Variants in IGF1R observed in about 807,000 individuals in gnomAD.
The protein encoded by IGF1R is insulin like growth factor 1 receptor.
In IGF1R, 44 loss-of-function variants were observed where a neutral mutation model predicts 144.6. The observed-to-expected ratio is 0.30, with a 90% confidence interval of 0.24 to 0.39. IGF1R has a LOEUF of 0.39. Among genes scored for constraint, IGF1R ranks in the 10% least tolerant of loss-of-function variants. The probability of loss-of-function intolerance (pLI) is 1.00; values close to 1 mark genes in which losing one functional copy is unlikely to be tolerated. For synonymous variants in IGF1R, 795 were observed against 722.8 expected (o/e 1.10, Z -1.60); for missense variants, 1,355 against 1,833.7 (o/e 0.74, Z 4.77).
intron 2 of IGF1R, among the ~76,000 whole-genome samples, chr15:98,818,025 G>A (rs1567143852): frequency 6.6e-6 from 1 of 152,172 alleles, no homozygotes; most frequent in Non-Finnish European, 1.5e-5. Context: ...CCTTCTCACT[G>A]TATCCTCATA....
rs1262754245 is a variant in IGF1R, at chr15:98,958,838, CT to C, written c.*1397del. On this transcript the variant is annotated 3_prime_UTR_variant, in exon 21 of 21. Coordinates refer to ENST00000650285, the MANE Select transcript of IGF1R (RefSeq NM_000875.5). Reference sequence around the variant, plus strand: ...TGTACTAGAGTGCGTGACTTTCTTCCTCTTTTCCCGGTAATGGATACTTCTA... The same window carrying C: ...TGTACTAGAGTGCGTGACTTTCTTCCCTTTTCCCGGTAATGGATACTTCTA... The C allele has an allele frequency of 1.3e-5, 3 of 233,508 alleles. No individual in the cohort carries two copies. In the East Asian group the frequency reaches 1.8e-4, roughly 14 times the overall value. 14.5% of individuals were successfully genotyped at this position (233,508 alleles called of 1,614,324 possible).
chr15:98,760,586 T>A lies in IGF1R; in HGVS notation c.640+52479T>A, dbSNP rs111942262. ...CTTGTGTGTCTCCAGCTGAGCTGAGTGCATGTCGCTGCGGCATTGCAGGCG... is the reference window on the plus strand; with the variant it reads ...CTTGTGTGTCTCCAGCTGAGCTGAGAGCATGTCGCTGCGGCATTGCAGGCG... On this transcript the variant is annotated intron_variant, in intron 2 of 20. Coordinates refer to ENST00000650285, the MANE Select transcript of IGF1R (RefSeq NM_000875.5). Among the ~76,000 whole-genome samples, 3 of 152,308 alleles carry A rather than the reference T, an allele frequency of 2.0e-5. 1 individual carries two copies. Among genetic ancestry groups the A allele is most frequent in the African/African-American group, 7.2e-5 (3 of 41,556 alleles).
chr15:98,676,993 T>C (rs1383675482), intron 1 of IGF1R, among the ~76,000 whole-genome samples: 1 of 152,070 alleles, frequency 6.6e-6, no homozygotes, highest in Non-Finnish European at 1.5e-5. Context: ...TGGAGTGCAG[T>C]GGTGCGGTCA....
intron 2 of IGF1R, among the ~76,000 whole-genome samples, chr15:98,714,093 G>C (rs1368236897): frequency 6.6e-6 from 1 of 151,994 alleles, no homozygotes; most frequent in Admixed American, 6.6e-5. Flanking sequence ...GTAAATGGCT[G>C]TTTTTATTGA....
intron 2 of IGF1R, among the ~76,000 whole-genome samples, chr15:98,775,550 TG>T: frequency 6.6e-6 from 1 of 152,260 alleles, no homozygotes; most frequent in Middle Eastern, 3.4e-3. Flanking sequence ...CTATGCCACC[TG>T]GGATGTGTCC....
In IGF1R at chr15:98,948,543, C is replaced by G. The variant is rs151264958; in HGVS notation, c.3588-31C>G. On this transcript the variant is annotated intron_variant, in intron 19 of 20. Coordinates refer to ENST00000650285, the MANE Select transcript of IGF1R (RefSeq NM_000875.5). ...CAGCATTGTTCAGTCCATCCCTTTC[C>G]AAGCTCCTCACAGTTTTTTTCTCCC... 6,355 of 1,612,216 alleles carry G rather than the reference C, an allele frequency of 3.9e-3. 23 individuals carry two copies. Among genetic ancestry groups the G allele is most frequent in the Non-Finnish European group, 4.9e-3 (5,816 of 1,179,186 alleles).
chr15:98,708,801 T>C (rs908491909), intron 2 of IGF1R, among the ~76,000 whole-genome samples: 1 of 152,222 alleles, frequency 6.6e-6, no homozygotes, highest in African/African-American at 2.4e-5. Flanking sequence ...TTTCGTTCTT[T>C]TATACCTGTT....
intron 6 of IGF1R, 53 bp from the exon 7 acceptor site, chr15:98,911,262 C>G (rs572895516): frequency 1.2e-6 from 2 of 1,611,684 alleles, no homozygotes; most frequent in African/African-American, 2.7e-5. Context: ...AAGACAGGTG[C>G]TTTTCAGAGA....
chr15:98,772,476 A>AATTATTATTATTATT (rs147636909), intron 2 of IGF1R, among the ~76,000 whole-genome samples: 27 of 62,526 alleles, frequency 4.3e-4, no homozygotes, highest in African/African-American at 1.0e-3. Context: ...GTCACTTAAA[A>AATTATTATTATTATT]ATTATTATTA....
chr15:98,849,206 A>G (rs955641540), intron 2 of IGF1R, among the ~76,000 whole-genome samples: 2 of 152,246 alleles, frequency 1.3e-5, no homozygotes, highest in Admixed American at 1.3e-4. Context: ...GACCAATGGA[A>G]CAGAATAGAA....
intron 2 of IGF1R, among the ~76,000 whole-genome samples, chr15:98,737,295 A>G (rs1002273526): frequency 3.9e-5 from 6 of 152,198 alleles, no homozygotes; most frequent in African/African-American, 1.4e-4. Context: ...TCTCTGGGGC[A>G]GCATGTTGAA....
At chr15:98,824,094 G>C (rs770742283) in intron 2 of IGF1R, 1 of 152,164 alleles carries the variant, frequency 6.6e-6, no homozygotes, top group Non-Finnish European at 1.5e-5. Flanking sequence ...GGGTAACATG[G>C]AAGTATTGTC....
At chr15:98,947,056 G>A (rs1318203925) in intron 19 of IGF1R, among the ~76,000 whole-genome samples, 1 of 152,244 alleles carries the variant, frequency 6.6e-6, no homozygotes. Flanking sequence ...GGCTGGGCTG[G>A]TTGTGGAAGG....
At chr15:98,776,038 C>T (rs2055705179) in intron 2 of IGF1R, among the ~76,000 whole-genome samples, 2 of 152,314 alleles carry the variant, frequency 1.3e-5, no homozygotes, top group Admixed American at 1.3e-4. Flanking sequence ...TTCTCAATCA[C>T]ATGTAATTGC....
At chr15:98,791,922 A>G (rs566312243) in intron 2 of IGF1R, among the ~76,000 whole-genome samples, 15 of 152,318 alleles carry the variant, frequency 9.8e-5, no homozygotes, top group Middle Eastern at 3.4e-3. Context: ...CAGAGGAGCA[A>G]TCTGCTCTAA....
At chr15:98,878,888 C>T (rs139952854) in intron 2 of IGF1R, among the ~76,000 whole-genome samples, 18 of 151,848 alleles carry the variant, frequency 1.2e-4, no homozygotes, top group Admixed American at 3.3e-4. Flanking sequence ...CCCAGCTACT[C>T]GGGAAGCTGA....
intron 2 of IGF1R, among the ~76,000 whole-genome samples, chr15:98,875,150 G>A (rs571592898): frequency 1.3e-5 from 2 of 149,256 alleles, no homozygotes; most frequent in Non-Finnish European, 3.0e-5. Flanking sequence ...CCGGGATTTC[G>A]GGAGACAGCA....
intron 2 of IGF1R, among the ~76,000 whole-genome samples, chr15:98,822,326 C>T (rs1419025168): frequency 6.6e-6 from 1 of 152,086 alleles, no homozygotes; most frequent in Non-Finnish European, 1.5e-5. Context: ...TTGTCTCTGG[C>T]AGGGAGCAAG....
chr15:98,766,996 A>G (rs1331874212), intron 2 of IGF1R, among the ~76,000 whole-genome samples: 1 of 152,116 alleles, frequency 6.6e-6, no homozygotes, highest in Non-Finnish European at 1.5e-5. Context: ...TGTAGAGACC[A>G]AGGGTGCCTT....
Sources: allele counts gnomAD v4.1 joint callset (sites outside exome capture counted in the v4.1 genomes callset), GRCh38; gene constraint gnomAD v4.1.1; transcripts MANE v1.5; gene names NCBI Gene and HGNC (gene_info 2026-07-23, HGNC 2026-07-21).